Variants in RP1L1 observed in about 807,000 individuals in gnomAD.
The protein encoded by RP1L1 is RP1 like 1, also known as retinitis pigmentosa 1-like 1 protein.
Under a neutral mutation model 15.7 loss-of-function variants are expected in RP1L1, and 27 were observed. The observed-to-expected ratio is 1.72, with a 90% CI of 1.27 to 2.38. The LOEUF (loss-of-function observed/expected upper bound fraction) is 2.38. RP1L1 is among the 30% of genes most tolerant of loss of function. The probability of loss-of-function intolerance (pLI) is 0.00; values close to 1 mark genes in which losing one functional copy is unlikely to be tolerated. For missense variants in RP1L1, 4,798 were observed against 3,075.9 expected (o/e 1.56, Z -13.24); for synonymous variants, 1,813 against 1,276.7 (o/e 1.42, Z -8.96).
At position 10,612,203 on chromosome 8, in the gene RP1L1, G is replaced by A; in HGVS notation, c.1895C>T (p.Thr632Ile). ...EGASSTPSTC[T>I]SSQQGQRRHR... Reference sequence around the variant, plus strand: ...CCTTCTCTGCCCCTGCTGGGATGAAGTGCAGGTGGAAGGGGTGGAAGAGGC... The same window carrying A: ...CCTTCTCTGCCCCTGCTGGGATGAAATGCAGGTGGAAGGGGTGGAAGAGGC... The change falls in exon 4 of 4, where the codon ACT becomes ATT. Residue 632 changes from threonine to isoleucine, a missense_variant. Thr to Ile is a moderately conservative substitution (Grantham distance 89). Transcript: ENST00000382483. 1 of 1,613,324 alleles carries A rather than the reference G, an allele frequency of 6.2e-7. No homozygotes were observed. Among genetic ancestry groups the A allele is most frequent in the Non-Finnish European group, 8.5e-7 (1 of 1,179,960 alleles).
Position 10,611,818 on chromosome 8 carries a change from G to C in RP1L1, c.2280C>G (p.Ala760=). ...SGVSPHNAPS[A]GWAGDAGSRT... is the part of the protein sequence containing the mutation. ...TGGACCCCGCGTCCCCTGCCCACCCGGCAGAGGGAGCGTTGTGCGGGGAGA... is the reference window on the plus strand; with the variant it reads ...TGGACCCCGCGTCCCCTGCCCACCCCGCAGAGGGAGCGTTGTGCGGGGAGA... The change falls in exon 4 of 4, where the codon GCC becomes GCG. Residue 760 remains alanine (A), a synonymous_variant. Coordinates refer to ENST00000382483, the MANE Select transcript of RP1L1 (RefSeq NM_178857.6). 1 of 1,613,658 alleles carries C rather than the reference G, an allele frequency of 6.2e-7. No homozygotes were observed. The highest frequency in any genetic ancestry group is 8.5e-7 in the Non-Finnish European group (1 of 1,180,022).
rs779490751 is a variant in RP1L1, at chr8:10,611,089, C to T, written c.3009G>A (p.Leu1003=). 3.7e-6 allele frequency: 6 copies of T among 1,612,898 alleles called. No homozygotes were observed. The highest frequency in any genetic ancestry group is 5.1e-6 in the Non-Finnish European group (6 of 1,180,012). The change falls in exon 4 of 4, where the codon CTG becomes CTA. Residue 1003 remains leucine, a synonymous_variant. Coordinates refer to ENST00000382483, the MANE Select transcript of RP1L1 (RefSeq NM_178857.6). ...GCTGTCCCGCCTGAGCTGGCTCCCC[C>T]AGGCCTTCCAGAGAATGGTCATCCC... The part of the protein sequence containing the change: ...DPGDDHSLEG[L]GEPAQAGQQS...
intron 2 of RP1L1, 56 bp downstream of exon 2, chr8:10,622,537 T>C: frequency 6.2e-7 from 1 of 1,611,820 alleles, no homozygotes; most frequent in Non-Finnish European, 8.5e-7. Flanking sequence ...ATGTGAGTAT[T>C]TTGACCTCAG....
chr8:10,635,928 G>A (rs1335147043), intron 1 of RP1L1, among the ~76,000 whole-genome samples: 2 of 152,206 alleles, frequency 1.3e-5, no homozygotes, highest in African/African-American at 2.4e-5. Flanking sequence ...ACCAACCCGC[G>A]GACAAAACCA....
At chr8:10,625,832 C>A (rs1271142360) in intron 1 of RP1L1, among the ~76,000 whole-genome samples, 4 of 151,978 alleles carry the variant, frequency 2.6e-5, no homozygotes, top group Non-Finnish European at 5.9e-5. Context: ...CTGATTAGGC[C>A]CCAGCAAACC....
chr8:10,627,894 G>A (rs1255526486), intron 1 of RP1L1, among the ~76,000 whole-genome samples: 1 of 152,220 alleles, frequency 6.6e-6, no homozygotes, highest in East Asian at 1.9e-4. Flanking sequence ...TAGTACTTCT[G>A]ATGAACAGGC....
chr8:10,652,180 A>T (rs1005813063), intron 1 of RP1L1, among the ~76,000 whole-genome samples: 2 of 152,186 alleles, frequency 1.3e-5, no homozygotes, highest in African/African-American at 4.8e-5. Flanking sequence ...CTCAAAATGC[A>T]TTCCCATCAT....
chr8:10,606,669 C>G lies in RP1L1; in HGVS notation c.*226G>C, dbSNP rs12547192. ...GATAACCGGGCAGATCCGCAGACAC[C>G]CCCTTTCTTCACACTGCGTGTGGGA... On this transcript the variant is annotated 3_prime_UTR_variant, in exon 4 of 4. Coordinates refer to ENST00000382483, the MANE Select transcript of RP1L1 (RefSeq NM_178857.6). The G allele has an allele frequency of 0.15, 104,022 of 673,978 alleles. 9,697 individuals are homozygous for G. The highest frequency in any genetic ancestry group is 0.34 in the South Asian group (17,084 of 49,548). 41.7% of individuals were successfully genotyped at this position (673,978 alleles called of 1,614,324 possible). A position where few individuals can be genotyped will look rare whatever the true frequency, so the allele number is the denominator to read the frequency against.
At position 10,608,839 on chromosome 8, in the gene RP1L1, G is replaced by A. The variant is rs1227954051; in HGVS notation, c.5259C>T (p.Asn1753=). 6.2e-7 allele frequency: 1 copy of A among 1,613,894 alleles called. No homozygotes were observed. Among genetic ancestry groups the A allele is most frequent in the African/African-American group, 1.3e-5 (1 of 74,882 alleles). Residue 1753 remains asparagine, a synonymous_variant, in exon 4 of 4, where the codon AAC becomes AAT. Transcript: ENST00000382483. ...GEDGEGSQRL[N]RDKDPKLGEA... Reference sequence around the variant, plus strand: ...CCCCGAGTTTGGGATCTTTGTCTCTGTTGAGTCTCTGGCTCCCCTCGCCAT... The same window carrying A: ...CCCCGAGTTTGGGATCTTTGTCTCTATTGAGTCTCTGGCTCCCCTCGCCAT...
chr8:10,628,527 C>A (rs977943330), intron 1 of RP1L1, among the ~76,000 whole-genome samples: 2 of 152,098 alleles, frequency 1.3e-5, no homozygotes, highest in African/African-American at 4.8e-5. Flanking sequence ...AACCTGTGAT[C>A]CAATCCTTGG....
rs775166574 is a variant in RP1L1 at position 10,610,637 on chromosome 8, G to C, written c.3461C>G (p.Ser1154Trp). The stretch of plus-strand genomic sequence containing the variant: ...GTCACATCCTGGCCACAGGTCCTTC[G>C]AGATGCTGAGCAGCTCCTGGTACCG... ...SPRYQELLSI[S>W]KDLWPGCDVG... Residue 1154 changes from serine (S) to tryptophan (W), a missense_variant, in exon 4 of 4, where the codon TCG becomes TGG. By Grantham distance (177) the Ser-to-Trp change is radical (BLOSUM62 -3). Transcript: ENST00000382483. The C allele has an allele frequency of 5.6e-6, 9 of 1,612,268 alleles. No homozygotes were observed. In the South Asian group the frequency reaches 7.7e-5, roughly 14 times the overall value.
chr8:10,637,784 G>C (rs1415047955), intron 1 of RP1L1, among the ~76,000 whole-genome samples: 1 of 152,234 alleles, frequency 6.6e-6, no homozygotes, highest in Admixed American at 6.5e-5. Flanking sequence ...GGAGGGGAAA[G>C]AGACGGGGGA....
intron 1 of RP1L1, among the ~76,000 whole-genome samples, chr8:10,642,047 T>G (rs1044600953): frequency 1.3e-5 from 2 of 152,168 alleles, no homozygotes; most frequent in Non-Finnish European, 2.9e-5. Flanking sequence ...TTGGTGGTGA[T>G]ATTGTACTAT....
chr8:10,622,898 A>AG lies in RP1L1; in HGVS notation c.303dup (p.Tyr102LeufsTer5). On this transcript the variant is annotated frameshift_variant, in exon 2 of 4. Coordinates refer to ENST00000382483, the MANE Select transcript of RP1L1 (RefSeq NM_178857.6). LOFTEE classifies it high-confidence loss of function. ...GGGGGCTTCTTATCAGAGCAGAGGT[A>AG]GCAGCCTCCATCTTCCAGCTGCTCC... The AG allele has an allele frequency of 6.2e-7, 1 of 1,613,796 alleles. No homozygotes were observed. The highest frequency in any genetic ancestry group is 1.7e-4 in the Middle Eastern group (1 of 6,052).
chr8:10,636,147 G>T (rs553186676), intron 1 of RP1L1, among the ~76,000 whole-genome samples: 3 of 152,216 alleles, frequency 2.0e-5, no homozygotes, highest in Admixed American at 2.0e-4. Flanking sequence ...TATTTGCAAC[G>T]CAGTTGGACT....
chr8:10,620,477 A>G (rs1798040586), intron 2 of RP1L1, among the ~76,000 whole-genome samples: 1 of 152,170 alleles, frequency 6.6e-6, no homozygotes, highest in Non-Finnish European at 1.5e-5. Context: ...ATAGTGGTGA[A>G]TGCCTGTAAT....
chr8:10,637,558 C>G (rs1463349973), intron 1 of RP1L1, among the ~76,000 whole-genome samples: 2 of 152,146 alleles, frequency 1.3e-5, no homozygotes, highest in Non-Finnish European at 2.9e-5. Flanking sequence ...GTAGCCTGGG[C>G]AACAGAGTGA....
In RP1L1 at chr8:10,611,189, A is replaced by G. The variant is rs1797844733; in HGVS notation, c.2909T>C (p.Leu970Pro). Residue 970 changes from leucine to proline, a missense_variant, in exon 4 of 4, where the codon CTC becomes CCC. Physicochemically the swap from Leu to Pro is moderately conservative, Grantham distance 98. Coordinates refer to ENST00000382483, the MANE Select transcript of RP1L1 (RefSeq NM_178857.6). ...WLDNIPEEPI[L>P]MTYELADETT... ...CTCGTCCGCCAACTCATATGTCATG[A>G]GTATGGGCTCTTCTGGAATGTTGTC... 3 of 1,612,830 alleles carry G rather than the reference A, an allele frequency of 1.9e-6. No individual in the cohort carries two copies. Among genetic ancestry groups the G allele is most frequent in the Non-Finnish European group, 2.5e-6 (3 of 1,179,998 alleles).
chr8:10,621,383 G>A, intron 2 of RP1L1: 1 of 250,814 alleles, frequency 4.0e-6, no homozygotes, highest in East Asian at 1.1e-4. Flanking sequence ...CTGCAGTACA[G>A]TGTATGATCT....
Sources: allele counts gnomAD v4.1 joint callset (sites outside exome capture counted in the v4.1 genomes callset), GRCh38; gene constraint gnomAD v4.1.1; transcripts MANE v1.5; gene names NCBI Gene and HGNC (gene_info 2026-07-23, HGNC 2026-07-21).